Variants in NGF observed in about 807,000 individuals in gnomAD.
NGF encodes beta-nerve growth factor.
In NGF, 4 loss-of-function variants were observed where a neutral mutation model predicts 12.8. The ratio of observed to expected loss-of-function variants is 0.31; its 90% CI spans 0.15 to 0.72. The LOEUF (loss-of-function observed/expected upper bound fraction) is 0.72, where lower values mean the gene tolerates loss of function less well. Ranked by LOEUF, NGF falls within the 30% of genes least tolerant of loss-of-function variation. The pLI is 0.69. For synonymous variants in NGF, 140 were observed against 130.0 expected (o/e 1.08, Z -0.52); for missense variants, 283 against 330.8 (o/e 0.86, Z 1.12).
chr1:115,321,978 G>C (rs1413713136), intron 1 of NGF, among the ~76,000 whole-genome samples: 1 of 152,212 alleles, frequency 6.6e-6, no homozygotes, highest in African/African-American at 2.4e-5. Context: ...GGCCCTTGCA[G>C]TAAGAGTTCA....
chr1:115,294,804 A>G (rs1653811828), intron 1 of NGF, among the ~76,000 whole-genome samples: 1 of 152,234 alleles, frequency 6.6e-6, no homozygotes, highest in Non-Finnish European at 1.5e-5. Context: ...AGCATGAAGT[A>G]ACGAGACCTA....
At position 115,333,655 on chromosome 1, in the gene NGF, CTCTTTCTTTCTTTCTTTCTT is replaced by C. The variant is rs368041850; in HGVS notation, c.-137+4529_-137+4548del. Among the ~76,000 whole-genome samples the C allele has an allele frequency of 2.7e-3, 362 of 135,216 alleles. 6 individuals carry two copies. Among genetic ancestry groups the C allele is most frequent in the South Asian group, 4.5e-3 (18 of 4,012 alleles). The allele number at this position is 135,216 out of a possible 152,430, so 88.7% of individuals were successfully genotyped here. ...GAGCTCCTTAAGACTTTCTTTCTTT[CTCTTTCTTTCTTTCTTTCTT>C]TCTTTCTTTCTTTCTTTCTTTCTTT... On this transcript the variant is annotated intron_variant, in intron 1 of 2. Transcript: ENST00000369512.
intron 1 of NGF, among the ~76,000 whole-genome samples, chr1:115,295,877 C>T (rs945934518): frequency 3.9e-5 from 6 of 152,094 alleles, no homozygotes; most frequent in Admixed American, 3.9e-4. Flanking sequence ...GTGCTGGCCA[C>T]TGTTTTAAGT....
At chr1:115,310,151 A>G (rs969071276) in intron 1 of NGF, among the ~76,000 whole-genome samples, 2 of 152,250 alleles carry the variant, frequency 1.3e-5, no homozygotes, top group African/African-American at 4.8e-5. Context: ...GGGGCAAAAG[A>G]GATTAAGGAG....
intron 1 of NGF, among the ~76,000 whole-genome samples, chr1:115,324,065 A>G (rs1377925608): frequency 6.6e-6 from 1 of 152,184 alleles, no homozygotes; most frequent in African/African-American, 2.4e-5. Context: ...CTGGACATCA[A>G]CATCATTATT....
chr1:115,332,214 G>A (rs954755504), intron 1 of NGF, among the ~76,000 whole-genome samples: 5 of 152,204 alleles, frequency 3.3e-5, no homozygotes, highest in Non-Finnish European at 5.9e-5. Flanking sequence ...AGAGAGCATT[G>A]CATAACATTT....
intron 1 of NGF, among the ~76,000 whole-genome samples, chr1:115,333,437 C>T (rs188170967): frequency 6.9e-6 from 1 of 144,122 alleles, no homozygotes; most frequent in African/African-American, 2.6e-5. Context: ...TCTCAATCTG[C>T]TTAGCCCAGT....
At chr1:115,293,417 C>T (rs1295300424) in intron 2 of NGF, among the ~76,000 whole-genome samples, 3 of 152,216 alleles carry the variant, frequency 2.0e-5, no homozygotes, top group African/African-American at 7.2e-5. Context: ...GTCCCTGGGG[C>T]CCATGGGGCC....
intron 1 of NGF, among the ~76,000 whole-genome samples, chr1:115,294,371 G>C (rs1478937295): frequency 6.6e-6 from 1 of 152,204 alleles, no homozygotes; most frequent in African/African-American, 2.4e-5. Context: ...TTAGGCTGTA[G>C]TTTCTAGAAA....
At chr1:115,329,331 A>G (rs2101054118) in intron 1 of NGF, among the ~76,000 whole-genome samples, 1 of 152,284 alleles carries the variant, frequency 6.6e-6, no homozygotes, top group South Asian at 2.1e-4. Flanking sequence ...CAAGAGAGAA[A>G]CTAGTCTCAC....
chr1:115,309,186 C>A (rs1279999207), intron 1 of NGF, among the ~76,000 whole-genome samples: 1 of 152,178 alleles, frequency 6.6e-6, no homozygotes, highest in Non-Finnish European at 1.5e-5. Flanking sequence ...TAGAATTACT[C>A]ATCTGACTGC....
chr1:115,324,595 T>A (rs4298728), intron 1 of NGF, among the ~76,000 whole-genome samples: 17,545 of 152,092 alleles, frequency 0.12, 1,157 homozygotes, highest in East Asian at 0.25. Flanking sequence ...CCTGAGCCCT[T>A]CAGCTTGGGT....
chr1:115,291,332 T>C (rs1010624920), intron 2 of NGF, among the ~76,000 whole-genome samples: 2 of 152,246 alleles, frequency 1.3e-5, no homozygotes, highest in Non-Finnish European at 2.9e-5. Context: ...AAGAACATTC[T>C]TTTTATTTTT....
chr1:115,313,578 T>C (rs920780336), intron 1 of NGF, among the ~76,000 whole-genome samples: 2 of 152,234 alleles, frequency 1.3e-5, no homozygotes, highest in African/African-American at 4.8e-5. Context: ...TAAAAGCTTT[T>C]TCTTTTTTAG....
rs1361463422 is a variant in NGF at position 115,333,274 on chromosome 1, C to T, written c.-137+4930G>A. Among the ~76,000 whole-genome samples the T allele has an allele frequency of 2.0e-5, 3 of 152,146 alleles. No individual in the cohort carries two copies. The East Asian group carries it at 5.8e-4, about 29-fold the overall frequency. On this transcript the variant is annotated intron_variant, in intron 1 of 2. Transcript: ENST00000369512. ...ACTTCGTGGTTATTGGGAAACTGTT[C>T]CTGTAGTAGTGGATTGAAATTGCCC...
chr1:115,311,171 T>A (rs1005347275), intron 1 of NGF, among the ~76,000 whole-genome samples: 4 of 152,162 alleles, frequency 2.6e-5, no homozygotes, highest in African/African-American at 9.7e-5. Context: ...TAACTGATAA[T>A]CCACAAAACT....
In NGF at chr1:115,333,499, T is replaced by TAAAAA. The variant is rs34024301; in HGVS notation, c.-137+4700_-137+4704dup. Among the ~76,000 whole-genome samples the TAAAAA allele has an allele frequency of 5.2e-3, 395 of 76,582 alleles. 11 individuals are homozygous for TAAAAA. The highest frequency in any genetic ancestry group is 0.018 in the African/African-American group (364 of 20,024). The allele number at this position is 76,582 out of a possible 152,430, so 50.2% of individuals were successfully genotyped here. On this transcript the variant is annotated intron_variant, in intron 1 of 2. Transcript: ENST00000369512. ...GTCTGACTCTGACTAATAGTACTAC[T>TAAAAA]AAAAAAAAAAAAAAAAAAAAAAAGA...
chr1:115,316,394 T>C (rs1654476198), intron 1 of NGF, among the ~76,000 whole-genome samples: 1 of 152,192 alleles, frequency 6.6e-6, no homozygotes, highest in Non-Finnish European at 1.5e-5. Context: ...CCAATTGATA[T>C]CTCCTTGTTG....
At chr1:115,319,522 C>T (rs1405458575) in intron 1 of NGF, among the ~76,000 whole-genome samples, 1 of 152,196 alleles carries the variant, frequency 6.6e-6, no homozygotes, top group Non-Finnish European at 1.5e-5. Context: ...TGCTTCCTAA[C>T]AGACTTAGTA....
Sources: allele counts gnomAD v4.1 joint callset (sites outside exome capture counted in the v4.1 genomes callset), GRCh38; gene constraint gnomAD v4.1.1; transcripts MANE v1.5; gene names NCBI Gene and HGNC (gene_info 2026-07-23, HGNC 2026-07-21).